RCOR1: variants seen among roughly 807,000 people sequenced by gnomAD.
RCOR1 encodes the protein REST corepressor 1, also known as REST corepressor.
Under a neutral mutation model 64.0 loss-of-function variants are expected in RCOR1, and 12 were observed. The observed-to-expected ratio is 0.19, with a 90% confidence interval of 0.12 to 0.30. The LOEUF is 0.30. RCOR1 is among the 10% of genes least tolerant of loss of function. The pLI, the probability that RCOR1 is intolerant of heterozygous loss-of-function variation, is 1.00. For synonymous variants in RCOR1, 279 were observed against 227.2 expected (o/e 1.23, Z -2.05); for missense variants, 502 against 621.2 (o/e 0.81, Z 2.04).
chr14:102,677,904 G>C (rs1193767361), intron 2 of RCOR1, among the ~76,000 whole-genome samples: 1 of 151,794 alleles, frequency 6.6e-6, no homozygotes, highest in African/African-American at 2.4e-5. Flanking sequence ...ACTCCAGCCT[G>C]GGCACCATTG....
chr14:102,670,513 A>G (rs189844203), intron 2 of RCOR1, among the ~76,000 whole-genome samples: 2 of 152,158 alleles, frequency 1.3e-5, no homozygotes, highest in East Asian at 1.9e-4. Context: ...AATATACACA[A>G]TATATATACA....
chr14:102,708,230 G>T (rs1489528311), intron 5 of RCOR1, among the ~76,000 whole-genome samples: 1 of 152,134 alleles, frequency 6.6e-6, no homozygotes, highest in Non-Finnish European at 1.5e-5. Context: ...CTCCCAAAGT[G>T]CTGGGATTAC....
chr14:102,653,964 TTTCTTTCTTTCTTTCTTTC>T lies in RCOR1; in HGVS notation c.362-27928_362-27910del, dbSNP rs1296041667. ...CTTTCTTTCTTTCTTTCTTTCTTTC[TTTCTTTCTTTCTTTCTTTC>T]TTTTTTTTTTTTTTTTTTTTGAGAC... On this transcript the variant is annotated intron_variant, in intron 2 of 11. Coordinates refer to ENST00000262241, the MANE Select transcript of RCOR1 (RefSeq NM_015156.4). Among the ~76,000 whole-genome samples the T allele has an allele frequency of 2.5e-3, 135 of 55,054 alleles. 12 individuals carry two copies. The highest frequency in any genetic ancestry group is 6.8e-3 in the Middle Eastern group (1 of 146). The allele number at this position is 55,054 out of a possible 152,430, so 36.1% of individuals were successfully genotyped here. A position where few individuals can be genotyped will look rare whatever the true frequency, so the allele number is the denominator to read the frequency against.
At chr14:102,636,994 C>G (rs1254636542) in intron 2 of RCOR1, among the ~76,000 whole-genome samples, 1 of 152,006 alleles carries the variant, frequency 6.6e-6, no homozygotes. Context: ...CAAAACAAAA[C>G]AAAACTCTTT....
At chr14:102,713,527 C>T (rs1476015552) in intron 7 of RCOR1, among the ~76,000 whole-genome samples, 4 of 152,068 alleles carry the variant, frequency 2.6e-5, no homozygotes, top group African/African-American at 9.7e-5. Flanking sequence ...CGTGATCCGC[C>T]CGCCTCAGCC....
At chr14:102,599,444 A>G (rs1366104772) in intron 2 of RCOR1, among the ~76,000 whole-genome samples, 1 of 151,854 alleles carries the variant, frequency 6.6e-6, no homozygotes, top group Non-Finnish European at 1.5e-5. Flanking sequence ...TATTATTACT[A>G]TTTTTTAATT....
intron 2 of RCOR1, among the ~76,000 whole-genome samples, chr14:102,599,452 AT>A (rs1190723466): frequency 1.3e-5 from 2 of 151,670 alleles, no homozygotes; most frequent in East Asian, 1.9e-4. Context: ...CTATTTTTTA[AT>A]TTTTTTTATT....
chr14:102,664,961 C>T lies in RCOR1; in HGVS notation c.362-16934C>T, dbSNP rs553963841. Reference sequence around the variant, plus strand: ...GTATTTTGAATTTTGATCTTTTCCTCGGCTAGCAATATGTGGTGTAATACC... The same window carrying T: ...GTATTTTGAATTTTGATCTTTTCCTTGGCTAGCAATATGTGGTGTAATACC... On this transcript the variant is annotated intron_variant, in intron 2 of 11. Transcript: ENST00000262241. 1.2e-4 allele frequency among the ~76,000 whole-genome samples: 19 copies of T among 152,268 alleles called. No homozygotes were observed. The East Asian group carries it at 2.5e-3, about 20-fold the overall frequency.
chr14:102,662,673 A>G (rs1894848177), intron 2 of RCOR1: 3 of 443,668 alleles, frequency 6.8e-6, no homozygotes, highest in East Asian at 5.5e-5. Flanking sequence ...CGGCTTGAGG[A>G]GGGGCAGGAG....
intron 2 of RCOR1, among the ~76,000 whole-genome samples, chr14:102,603,121 C>T (rs1476768061): frequency 6.8e-6 from 1 of 148,070 alleles, no homozygotes; most frequent in Non-Finnish European, 1.5e-5. Flanking sequence ...CTCTTGTCGC[C>T]CAGGCTGGAG....
intron 8 of RCOR1, among the ~76,000 whole-genome samples, chr14:102,717,126 A>G (rs1238944168): frequency 1.3e-5 from 2 of 152,166 alleles, no homozygotes; most frequent in African/African-American, 2.4e-5. Context: ...TTTGCCTGCT[A>G]TGTAGCTTAT....
intron 3 of RCOR1, among the ~76,000 whole-genome samples, chr14:102,700,913 A>C (rs1895744251): frequency 2.0e-5 from 3 of 152,214 alleles, no homozygotes; most frequent in African/African-American, 7.2e-5. Flanking sequence ...CATGGCTAGG[A>C]AGGCCTTACA....
intron 8 of RCOR1, among the ~76,000 whole-genome samples, chr14:102,718,346 G>T (rs988764275): frequency 1.3e-5 from 2 of 152,166 alleles, no homozygotes; most frequent in African/African-American, 4.8e-5. Context: ...CTTACCGGAA[G>T]CTCCTTAGCT....
rs183172824 is a variant in RCOR1, at chr14:102,706,494, A to G, written c.499-857A>G. On this transcript the variant is annotated intron_variant, in intron 4 of 11. Coordinates refer to ENST00000262241, the MANE Select transcript of RCOR1 (RefSeq NM_015156.4). ...GACAAGGACATTCACTGTTGGTGGG[A>G]ATGTAAAATGGTACACCTGGTGGGG... Among the ~76,000 whole-genome samples, 221 of 152,286 alleles carry G rather than the reference A, an allele frequency of 1.5e-3. 1 individual carries two copies. Among genetic ancestry groups the G allele is most frequent in the Non-Finnish European group, 2.4e-3 (162 of 68,016 alleles).
chr14:102,728,867 C>T lies in RCOR1; in HGVS notation c.*2361C>T, dbSNP rs992826029. On this transcript the variant is annotated 3_prime_UTR_variant, in exon 12 of 12. Coordinates refer to ENST00000262241, the MANE Select transcript of RCOR1 (RefSeq NM_015156.4). ...TGACTGCCTTTGTTGTGCTTTCCCG[C>T]GTAAGATAGCACTGTGTTTTAAACT... 2.0e-5 allele frequency: 3 copies of T among 152,198 alleles called. No individual in the cohort carries two copies. Among genetic ancestry groups the T allele is most frequent in the African/African-American group, 4.8e-5 (2 of 41,408 alleles). The allele number at this position is 152,198 out of a possible 1,614,324, so 9.4% of individuals were successfully genotyped here.
chr14:102,641,457 G>C (rs905842530), intron 2 of RCOR1, among the ~76,000 whole-genome samples: 1 of 151,916 alleles, frequency 6.6e-6, no homozygotes, highest in Non-Finnish European at 1.5e-5. Context: ...AAAATTAGCC[G>C]GTTATGGTGG....
rs578031424 is a variant in RCOR1, at chr14:102,726,791, C to T, written c.*285C>T. 1.4e-4 allele frequency: 60 copies of T among 415,570 alleles called. No individual in the cohort carries two copies. The highest frequency in any genetic ancestry group is 1.1e-3 in the African/African-American group (52 of 47,576). 25.7% of individuals were successfully genotyped at this position (415,570 alleles called of 1,614,324 possible). A position where few individuals can be genotyped will look rare whatever the true frequency, so the allele number is the denominator to read the frequency against. ...TTGTGACTCTGGGAACCGCCTCTCC[C>T]GCCGGAGCCCCCGAGCCCCACCAAT... On this transcript the variant is annotated 3_prime_UTR_variant, in exon 12 of 12. Coordinates refer to ENST00000262241, the MANE Select transcript of RCOR1 (RefSeq NM_015156.4).
chr14:102,721,336 A>G lies in RCOR1; in HGVS notation c.1148A>G (p.Asn383Ser), dbSNP rs757934469. The change falls in exon 10 of 12, where the codon AAT becomes AGT. Residue 383 changes from asparagine to serine, a missense_variant. Asn to Ser is a conservative substitution (Grantham distance 46). Around this residue, in one of 2 missense-constraint regions of RCOR1, gnomAD observed 260 missense variants for 416.4 expected, o/e 0.62. Coordinates refer to ENST00000262241, the MANE Select transcript of RCOR1 (RefSeq NM_015156.4). ...GATATCCAGGTCATTCAGAAATGTA[A>G]TGCACGTTGGACTACAGAAGAGCAG... Reference protein sequence around the residue: ...YRLPEVIQKCNARWTTEEQLL... With the variant: ...YRLPEVIQKCSARWTTEEQLL... The G allele has an allele frequency of 6.8e-6, 11 of 1,613,604 alleles. No individual in the cohort carries two copies. In the South Asian group the frequency reaches 1.1e-4, roughly 16 times the overall value.
At chr14:102,663,334 TTC>T (rs749603960) in intron 2 of RCOR1, among the ~76,000 whole-genome samples, 15 of 152,362 alleles carry the variant, frequency 9.8e-5, no homozygotes, top group Middle Eastern at 3.4e-3. Flanking sequence ...CTAATGCAAC[TTC>T]TCTCAACATT....
Sources: gnomAD v4.1 joint callset for allele counts (sites outside exome capture counted in the v4.1 genomes callset) on GRCh38, gnomAD v4.1.1 for gene constraint, gnomAD v4.1.1 regional missense constraint, MANE v1.5 for transcripts, NCBI Gene and HGNC (gene_info 2026-07-23, HGNC 2026-07-21) for gene names.